The following PCDHA1 variants were observed in gnomAD, a reference collection of about 807,000 sequenced individuals.
PCDHA1 encodes protocadherin alpha 1, also known as protocadherin alpha-1.
Under a neutral mutation model 61.3 loss-of-function variants are expected in PCDHA1, and 42 were observed. The ratio of observed to expected loss-of-function variants is 0.69; its 90% confidence interval spans 0.54 to 0.89. The LOEUF (loss-of-function observed/expected upper bound fraction) is 0.89. Ranked by LOEUF, PCDHA1 falls within the 40% of genes least tolerant of loss-of-function variation. The probability of loss-of-function intolerance (pLI) is 0.00; values close to 1 mark genes in which losing one functional copy is unlikely to be tolerated. For synonymous variants in PCDHA1, 610 were observed against 553.8 expected, an observed-to-expected ratio of 1.10 and a Z score of -1.43; for missense variants, 1,256 against 1,235.3, an observed-to-expected ratio of 1.02 and a Z score of -0.25.
At chr5:140,928,998 C>T (rs1448389331) in intron 1 of PCDHA1, 5 of 1,613,784 alleles carry the variant, frequency 3.1e-6, no homozygotes, top group Non-Finnish European at 4.2e-6. Flanking sequence ...TACTTTTCTT[C>T]GTGTGTACCA....
At chr5:140,978,856 A>G (rs2096826512) in intron 1 of PCDHA1, 93 bp from the exon 2 acceptor site, 1 of 1,589,052 alleles carries the variant, frequency 6.3e-7, no homozygotes, top group Non-Finnish European at 8.6e-7. Flanking sequence ...AGATGCCTGG[A>G]AATATTTAAG....
chr5:140,879,926 A>G (rs1214178444), intron 1 of PCDHA1, among the ~76,000 whole-genome samples: 7 of 152,170 alleles, frequency 4.6e-5, no homozygotes, highest in African/African-American at 1.4e-4. Flanking sequence ...TTACAAAGGT[A>G]CATGTGATTG....
At chr5:140,870,161 CCTT>C in intron 1 of PCDHA1, 2 of 1,614,124 alleles carry the variant, frequency 1.2e-6, no homozygotes, top group Non-Finnish European at 1.7e-6. Flanking sequence ...GCCGTGACTT[CCTT>C]GTCCCTCCCA....
At chr5:140,791,314 C>G (rs1336897922) in intron 1 of PCDHA1, among the ~76,000 whole-genome samples, 1 of 152,184 alleles carries the variant, frequency 6.6e-6, no homozygotes, top group Non-Finnish European at 1.5e-5. Context: ...GTGAAAGACT[C>G]TTCTGCTATC....
In PCDHA1 at chr5:140,786,212, T is replaced by G; in HGVS notation, c.-79T>G. 2 of 1,495,116 alleles carry G rather than the reference T, an allele frequency of 1.3e-6. No homozygotes were observed. Among genetic ancestry groups the G allele is most frequent in the South Asian group, 2.7e-5 (2 of 73,752 alleles). 92.6% of individuals were successfully genotyped at this position (1,495,116 alleles called of 1,614,324 possible). A position where few individuals can be genotyped will look rare whatever the true frequency, so the allele number is the denominator to read the frequency against. On this transcript the variant is annotated 5_prime_UTR_variant, in exon 1 of 4. Transcript: ENST00000504120. The stretch of plus-strand genomic sequence containing the variant: ...AGAGAAGACAGAAACGGTAAAGAGA[T>G]AAATGATTGGAAATATTAGATAAAA...
intron 1 of PCDHA1, chr5:140,859,449 A>T (rs1319113076): frequency 4.5e-6 from 1 of 222,150 alleles, no homozygotes; most frequent in Non-Finnish European, 8.6e-6. Context: ...TTAGTTGCAG[A>T]GTGACAAAAC....
intron 1 of PCDHA1, chr5:140,804,881 C>G: frequency 5.1e-5 from 30 of 583,746 alleles, no homozygotes; most frequent in Admixed American, 3.9e-5. Context: ...TTTCTTGACT[C>G]CTCTCCTTCC....
chr5:140,983,777 A>G (rs947937417), intron 3 of PCDHA1, among the ~76,000 whole-genome samples: 1 of 152,256 alleles, frequency 6.6e-6, no homozygotes, highest in Non-Finnish European at 1.5e-5. Context: ...ATCTACATAC[A>G]TAACAGATGA....
chr5:140,853,323 A>T (rs191492772), intron 1 of PCDHA1: 1 of 984,966 alleles, frequency 1.0e-6, no homozygotes, highest in African/African-American at 1.8e-5. Context: ...TAATAAATTT[A>T]TCTTTTGAGG....
At chr5:140,937,944 G>T (rs2091858064) in intron 1 of PCDHA1, among the ~76,000 whole-genome samples, 1 of 151,532 alleles carries the variant, frequency 6.6e-6, no homozygotes. Flanking sequence ...TTTGATAATT[G>T]GCTTTTGTTG....
intron 3 of PCDHA1, among the ~76,000 whole-genome samples, chr5:140,997,260 T>G (rs1364203100): frequency 6.6e-6 from 1 of 152,196 alleles, no homozygotes; most frequent in Admixed American, 6.5e-5. Flanking sequence ...GGTTCACTCT[T>G]CCAAATATTT....
rs530453384 is a variant in PCDHA1, at chr5:140,891,358, GA to G, written c.2395-87590del. Among the ~76,000 whole-genome samples the G allele has an allele frequency of 3.0e-3, 462 of 152,158 alleles. 1 individual carries two copies. Among genetic ancestry groups the G allele is most frequent in the Non-Finnish European group, 4.7e-3 (320 of 67,992 alleles). On this transcript the variant is annotated intron_variant, in intron 1 of 3. Transcript: ENST00000504120. ...TGAGATTTTGGTGCATCCATCACCT[GA>G]GCAGTATACATTGCACCATATTTGC...
rs148870571 is a variant in PCDHA1, at chr5:140,788,521, C to A, written c.2231C>A (p.Ala744Glu). The A allele has an allele frequency of 1.8e-4, 286 of 1,613,936 alleles. No individual in the cohort carries two copies. The highest frequency in any genetic ancestry group is 2.0e-4 in the Non-Finnish European group (236 of 1,179,950). The change falls in exon 1 of 4, where the codon GCG becomes GAG. Residue 744 changes from alanine to glutamate, a missense_variant. Ala to Glu is a moderately radical substitution (Grantham distance 107, BLOSUM62 -1). Coordinates refer to ENST00000504120, the MANE Select transcript of PCDHA1 (RefSeq NM_018900.4). ...AAGCCCACTCTGGTGTGCTCCAGCG[C>A]GTTGGGGAGCTGGTCGAACTCACAG... ...PGKPTLVCSSALGSWSNSQQR... is the reference protein window; with the variant it reads ...PGKPTLVCSSELGSWSNSQQR...
At chr5:140,989,851 G>C (rs1247481417) in intron 3 of PCDHA1, among the ~76,000 whole-genome samples, 1 of 152,106 alleles carries the variant, frequency 6.6e-6, no homozygotes, top group Non-Finnish European at 1.5e-5. Context: ...TGTGTGGACT[G>C]GAGAGGAATC....
chr5:140,997,831 A>G (rs938860065), intron 3 of PCDHA1, among the ~76,000 whole-genome samples: 3 of 152,210 alleles, frequency 2.0e-5, no homozygotes, highest in African/African-American at 4.8e-5. Context: ...TTTCTAAACA[A>G]TACAATATAC....
chr5:140,872,320 A>G (rs1409087290), intron 1 of PCDHA1, among the ~76,000 whole-genome samples: 1 of 152,166 alleles, frequency 6.6e-6, no homozygotes, highest in Admixed American at 6.5e-5. Context: ...TATGGAAATA[A>G]TATGACTAAA....
At chr5:140,928,165 C>T (rs1554205580) in intron 1 of PCDHA1, 3 of 1,614,200 alleles carry the variant, frequency 1.9e-6, no homozygotes, top group East Asian at 2.2e-5. Context: ...CTCACCCCCA[C>T]TTAGCACCCG....
chr5:140,795,306 G>A, intron 1 of PCDHA1: 1 of 1,614,246 alleles, frequency 6.2e-7, no homozygotes, highest in East Asian at 2.2e-5. Flanking sequence ...ACAGGCCGCT[G>A]CAGGTTTTCC....
intron 1 of PCDHA1, chr5:140,841,844 CATG>C (rs2150323969): frequency 6.2e-7 from 1 of 1,613,842 alleles, no homozygotes; most frequent in Non-Finnish European, 8.5e-7. Flanking sequence ...GCTTAGCTCT[CATG>C]ATTACTTCAT....
Sources: gnomAD v4.1 joint callset for allele counts (sites outside exome capture counted in the v4.1 genomes callset) on GRCh38, gnomAD v4.1.1 for gene constraint, MANE v1.5 for transcripts, NCBI Gene and HGNC (gene_info 2026-07-23, HGNC 2026-07-21) for gene names.